The following MAGI2 variants were observed in gnomAD, a reference collection of about 807,000 sequenced individuals.
MAGI2 encodes the protein membrane-associated guanylate kinase, WW and PDZ domain-containing protein 2.
Under a neutral mutation model 133.3 loss-of-function variants are expected in MAGI2, and 35 were observed. That is an observed-to-expected ratio of 0.26 (90% confidence interval 0.20 to 0.35). The LOEUF is 0.35. MAGI2 is among the 10% of genes least tolerant of loss of function. The pLI, the probability that MAGI2 is intolerant of heterozygous loss-of-function variation, is 1.00. For missense variants in MAGI2, 1,636 were observed against 1,863.4 expected (o/e 0.88, Z 2.25); for synonymous variants, 729 against 710.6 (o/e 1.03, Z -0.41).
At chr7:78,885,126 T>C (rs960949332) in intron 2 of MAGI2, among the ~76,000 whole-genome samples, 1 of 151,948 alleles carries the variant, frequency 6.6e-6, no homozygotes, top group African/African-American at 2.4e-5. Context: ...GATATAAAGA[T>C]AGGAACAACA....
At chr7:79,377,086 T>C (rs994803111) in intron 1 of MAGI2, among the ~76,000 whole-genome samples, 4 of 151,906 alleles carry the variant, frequency 2.6e-5, no homozygotes, top group African/African-American at 9.7e-5. Context: ...ATATTTTTTG[T>C]GTTTTACATT....
At chr7:78,239,978 T>C (rs369836493) in intron 10 of MAGI2, among the ~76,000 whole-genome samples, 3 of 151,684 alleles carry the variant, frequency 2.0e-5, no homozygotes, top group African/African-American at 7.3e-5. Context: ...TTTCTATTTG[T>C]TTCCTAGAAC....
chr7:78,955,348 A>G (rs935857797), intron 2 of MAGI2, among the ~76,000 whole-genome samples: 2 of 152,166 alleles, frequency 1.3e-5, no homozygotes, highest in African/African-American at 2.4e-5. Context: ...AAATGTAAGT[A>G]CATTGCATAC....
chr7:79,155,665 G>A (rs1311227545), intron 1 of MAGI2, among the ~76,000 whole-genome samples: 1 of 152,008 alleles, frequency 6.6e-6, no homozygotes, highest in African/African-American at 2.4e-5. Context: ...TTAGACAGAG[G>A]GTATAGCATG....
At chr7:79,112,450 A>G (rs1213832792) in intron 1 of MAGI2, among the ~76,000 whole-genome samples, 1 of 152,218 alleles carries the variant, frequency 6.6e-6, no homozygotes, top group African/African-American at 2.4e-5. Flanking sequence ...TATCTCTTCA[A>G]CTATAATGAA....
At chr7:78,775,465 T>C (rs1217411794) in intron 2 of MAGI2, among the ~76,000 whole-genome samples, 1 of 150,908 alleles carries the variant, frequency 6.6e-6, no homozygotes, top group African/African-American at 2.4e-5. Context: ...TGAAACCAAC[T>C]GAGAGACCTA....
intron 1 of MAGI2, among the ~76,000 whole-genome samples, chr7:79,199,734 C>A (rs1279404515): frequency 6.6e-6 from 1 of 151,874 alleles, no homozygotes; most frequent in Non-Finnish European, 1.5e-5. Context: ...TTTCTAAAAG[C>A]CTCTAGGTGA....
intron 2 of MAGI2, among the ~76,000 whole-genome samples, chr7:78,863,791 A>G (rs1482094911): frequency 1.3e-5 from 2 of 152,244 alleles, no homozygotes; most frequent in African/African-American, 4.8e-5. Context: ...TCCTTAAGGA[A>G]ATGCTCAATG....
At chr7:79,317,961 C>G (rs574009570) in intron 1 of MAGI2, among the ~76,000 whole-genome samples, 1 of 152,282 alleles carries the variant, frequency 6.6e-6, no homozygotes, top group Non-Finnish European at 1.5e-5. Flanking sequence ...CTTTGCTGCT[C>G]TTTGACCAGT....
chr7:79,436,112 T>C (rs537999504), intron 1 of MAGI2, among the ~76,000 whole-genome samples: 1 of 151,898 alleles, frequency 6.6e-6, no homozygotes, highest in Non-Finnish European at 1.5e-5. Flanking sequence ...TATACAAATA[T>C]TCAGTCAAGA....
At chr7:79,194,692 A>T (rs976558581) in intron 1 of MAGI2, among the ~76,000 whole-genome samples, 1 of 151,848 alleles carries the variant, frequency 6.6e-6, no homozygotes, top group Non-Finnish European at 1.5e-5. Context: ...GAAAATTGAC[A>T]TCTAGCTTTT....
At chr7:78,948,132 G>A (rs893374837) in intron 2 of MAGI2, among the ~76,000 whole-genome samples, 3 of 151,994 alleles carry the variant, frequency 2.0e-5, no homozygotes, top group African/African-American at 7.2e-5. Context: ...TAAACCAAAT[G>A]TTCATGATAT....
At chr7:78,592,866 G>A (rs939534709) in intron 3 of MAGI2, among the ~76,000 whole-genome samples, 5 of 122,730 alleles carry the variant, frequency 4.1e-5, no homozygotes, top group Admixed American at 9.7e-5. Context: ...ACAGGGTCTC[G>A]CTCTGTTGCC....
intron 1 of MAGI2, among the ~76,000 whole-genome samples, chr7:79,402,089 C>A (rs2129163388): frequency 6.6e-6 from 1 of 152,170 alleles, no homozygotes; most frequent in South Asian, 2.1e-4. Flanking sequence ...CTCTGACATA[C>A]TTTTAGCTGT....
In MAGI2 at chr7:78,049,107, CAAA is replaced by C. The variant is rs34719237; in HGVS notation, c.3707-29134_3707-29132del. Reference sequence around the variant, plus strand: ...TGCGCAACAGAGTGAGACTCCACCTCAAAAAAAAAAAAAAAAGACTTCAAAATT... The same window carrying C: ...TGCGCAACAGAGTGAGACTCCACCTCAAAAAAAAAAAAAGACTTCAAAATT... On this transcript the variant is annotated intron_variant, in intron 21 of 21. Transcript: ENST00000354212. Among the ~76,000 whole-genome samples, 1,271 of 136,626 alleles carry C rather than the reference CAAA, an allele frequency of 9.3e-3. 3 individuals carry two copies. The highest frequency in any genetic ancestry group is 0.014 in the Middle Eastern group (4 of 282). The allele number at this position is 136,626 out of a possible 152,430, so 89.6% of individuals were successfully genotyped here. A position where few individuals can be genotyped will look rare whatever the true frequency, so the allele number is the denominator to read the frequency against.
chr7:78,632,935 C>A (rs1401527909), intron 2 of MAGI2, among the ~76,000 whole-genome samples: 1 of 152,154 alleles, frequency 6.6e-6, no homozygotes, highest in African/African-American at 2.4e-5. Flanking sequence ...TGTAAAGACA[C>A]GTGCACACGA....
chr7:78,504,465 G>A (rs1417083549), intron 4 of MAGI2, among the ~76,000 whole-genome samples: 2 of 152,038 alleles, frequency 1.3e-5, no homozygotes, highest in East Asian at 1.9e-4. Flanking sequence ...AAGAAATACC[G>A]TTAGGGTAAA....
rs577835160 is a variant in MAGI2 at position 79,046,480 on chromosome 7, C to T, written c.302-39274G>A. Among the ~76,000 whole-genome samples the T allele has an allele frequency of 2.6e-4, 39 of 152,328 alleles. No homozygotes were observed. In the East Asian group the frequency reaches 5.0e-3, roughly 20 times the overall value. On this transcript the variant is annotated intron_variant, in intron 1 of 21. Coordinates refer to ENST00000354212, the MANE Select transcript of MAGI2 (RefSeq NM_012301.4). Reference sequence around the variant, plus strand: ...CTGCTGTTGAAGTCACCCAGTTTGGCGCTTTGTTGTGACAGCCCTAGCGAA... The same window carrying T: ...CTGCTGTTGAAGTCACCCAGTTTGGTGCTTTGTTGTGACAGCCCTAGCGAA...
chr7:79,271,916 T>C (rs1377398357), intron 1 of MAGI2, among the ~76,000 whole-genome samples: 3 of 152,056 alleles, frequency 2.0e-5, no homozygotes, highest in African/African-American at 7.2e-5. Flanking sequence ...ATTTAATTAG[T>C]TTGAGATGGG....
Sources: allele counts gnomAD v4.1 joint callset (sites outside exome capture counted in the v4.1 genomes callset), GRCh38; gene constraint gnomAD v4.1.1; transcripts MANE v1.5; gene names NCBI Gene and HGNC (gene_info 2026-07-23, HGNC 2026-07-21).